The following MFSD12 variants were observed in gnomAD, a reference collection of about 807,000 sequenced individuals.
MFSD12 encodes the protein major facilitator superfamily domain-containing protein 12.
A neutral mutation model predicts 51.2 loss-of-function variants in MFSD12; 67 were observed. The ratio of observed to expected loss-of-function variants is 1.31; its 90% confidence interval spans 1.08 to 1.60. MFSD12 has a LOEUF of 1.60. Ranked by LOEUF, MFSD12 falls within the 40% of genes most tolerant of loss-of-function variation. MFSD12 has a pLI of 0.00. For missense variants in MFSD12, 921 were observed against 673.0 expected (o/e 1.37, Z -4.08); for synonymous variants, 441 against 316.7 (o/e 1.39, Z -4.17).
At chr19:3,545,457 C>T (rs1326634451) in intron 8 of MFSD12, among the ~76,000 whole-genome samples, 1 of 152,270 alleles carries the variant, frequency 6.6e-6, no homozygotes, top group Non-Finnish European at 1.5e-5. Context: ...CACAACATGC[C>T]AGGTGTGGTC....
chr19:3,545,397 CCCCTCCTCCCTCTACTCCAGCCA>C (rs2030917083), intron 8 of MFSD12, among the ~76,000 whole-genome samples: 1 of 152,214 alleles, frequency 6.6e-6, no homozygotes, highest in African/African-American at 2.4e-5. Flanking sequence ...GACCTGCCCT[CCCCTCCTCCCTCTACTCCAGCCA>C]CACAGGCCTC....
chr19:3,543,978 T>C, downstream of MFSD12: 2 of 1,546,716 alleles, frequency 1.3e-6, no homozygotes, highest in African/African-American at 1.4e-5. Context: ...CTGCCAGCGG[T>C]CCCCGCCTTC....
At chr19:3,540,361 G>A (rs1599806241), downstream of MFSD12, among the ~76,000 whole-genome samples, 1 of 151,748 alleles carries the variant, frequency 6.6e-6, no homozygotes, top group East Asian at 2.0e-4. Context: ...TGGTTCGAGC[G>A]ATTCTCCTGC....
At chr19:3,542,170 AGGG>A (rs1390100156), downstream of MFSD12, 1 of 985,282 alleles carries the variant, frequency 1.0e-6, no homozygotes, top group Non-Finnish European at 1.2e-6. Context: ...TCATTTCAAA[AGGG>A]TGAGGTTCTC....
At chr19:3,543,613 C>T (rs2030644961), downstream of MFSD12, 1 of 1,544,810 alleles carries the variant, frequency 6.5e-7, no homozygotes, top group South Asian at 1.2e-5. Flanking sequence ...CTGCCCAGTA[C>T]CAGGCCCCCA....
intron 1 of MFSD12, among the ~76,000 whole-genome samples, chr19:3,553,745 A>C (rs971958284): frequency 1.3e-5 from 2 of 148,542 alleles, no homozygotes; most frequent in South Asian, 2.1e-4. Flanking sequence ...AAAAAAAAAA[A>C]AAAAAAAACA....
chr19:3,545,270 C>T (rs1450654505), intron 8 of MFSD12, among the ~76,000 whole-genome samples: 2 of 152,232 alleles, frequency 1.3e-5, no homozygotes, highest in Non-Finnish European at 2.9e-5. Context: ...CACCAGAGGG[C>T]GTCTGTGAGC....
chr19:3,547,555 C>A lies in MFSD12; in HGVS notation c.838-8G>T. On this transcript the variant is annotated splice_polypyrimidine_tract_variant and splice_region_variant and intron_variant, in intron 4 of 9. Transcript: ENST00000355415. ...CATGTACAGTATGCCCACCTGTGGGCAGACCGACAGAGGGACTGGCAGGGG... is the reference window on the plus strand; with the variant it reads ...CATGTACAGTATGCCCACCTGTGGGAAGACCGACAGAGGGACTGGCAGGGG... 6.2e-7 allele frequency: 1 copy of A among 1,603,848 alleles called. No individual in the cohort carries two copies. Among genetic ancestry groups the A allele is most frequent in the Non-Finnish European group, 8.5e-7 (1 of 1,175,276 alleles).
chr19:3,554,114 A>G (rs1568262865), intron 1 of MFSD12, among the ~76,000 whole-genome samples: 1 of 151,842 alleles, frequency 6.6e-6, no homozygotes, highest in Non-Finnish European at 1.5e-5. Flanking sequence ...TAAAAAATTA[A>G]AAAAAGAAGA....
downstream of MFSD12, chr19:3,543,400 G>A (rs1295841835): frequency 4.0e-5 from 62 of 1,548,286 alleles, 1 homozygote; most frequent in African/African-American, 1.5e-4. Flanking sequence ...CACGGGCCCC[G>A]GCCAGCCCCT....
At chr19:3,543,586 G>C (rs557824671), downstream of MFSD12, 2,109 of 1,543,280 alleles carry the variant, frequency 1.4e-3, 9 homozygotes, top group Non-Finnish European at 1.6e-3. Context: ...AGACCGCCTG[G>C]CATGACCCCA....
chr19:3,543,723 C>A, downstream of MFSD12: 1 of 1,497,134 alleles, frequency 6.7e-7, no homozygotes, highest in Non-Finnish European at 9.0e-7. Flanking sequence ...GCCAGGGGGA[C>A]AAGGCCACCT....
downstream of MFSD12, chr19:3,541,755 G>A (rs1420019613): frequency 1.7e-5 from 17 of 985,270 alleles, no homozygotes; most frequent in Middle Eastern, 5.2e-4. Context: ...TGGCAGGTGG[G>A]TACGGGGCCG....
chr19:3,546,163 GC>G lies in MFSD12; in HGVS notation c.1199del (p.Ser400ThrfsTer9). ...TADLIGPHTN[S>X]GAFVYGSMSF... ...TCATGGAGCCGTACACGAACGCTCCGCTGTTCTGTGGAGACACAGGCGAGGT... is the reference window on the plus strand; with the variant it reads ...TCATGGAGCCGTACACGAACGCTCCGTGTTCTGTGGAGACACAGGCGAGGT... On this transcript the variant is annotated frameshift_variant, in exon 8 of 10. Transcript: ENST00000355415. LOFTEE classifies it high-confidence loss of function. The G allele has an allele frequency of 6.2e-7, 1 of 1,613,006 alleles. No individual in the cohort carries two copies. The highest frequency in any genetic ancestry group is 8.5e-7 in the Non-Finnish European group (1 of 1,179,906).
chr19:3,543,118 G>T (rs372364244), downstream of MFSD12: 35 of 1,522,146 alleles, frequency 2.3e-5, no homozygotes, highest in East Asian at 2.7e-4. Context: ...TGGCGAGGGA[G>T]GGAGACCCCA....
chr19:3,544,041 CTGCACCCAGATGAGGGGGCACTA>C, downstream of MFSD12: 7 of 1,505,590 alleles, frequency 4.6e-6, no homozygotes, highest in Non-Finnish European at 6.3e-6. Flanking sequence ...CCCACTGTCT[CTGCACCCAGATGAGGGGGCACTA>C]ACCTAGTCCC....
chr19:3,543,753 CG>C, downstream of MFSD12: 1 of 1,490,744 alleles, frequency 6.7e-7, no homozygotes, highest in Non-Finnish European at 9.0e-7. Flanking sequence ...TGAAACTGCC[CG>C]GGGCGATCCA....
At chr19:3,545,028 A>G (rs1355693387) in intron 8 of MFSD12, 89 bp from the exon 9 acceptor site, 3 of 1,481,576 alleles carry the variant, frequency 2.0e-6, no homozygotes, top group African/African-American at 1.4e-5. Context: ...CACCCCCGAC[A>G]GCGGCTCCGT....
Position 3,547,341 on chromosome 19 carries a change from C to T in MFSD12, c.954G>A (p.Leu318=), listed in dbSNP as rs754352983. Residue 318 remains leucine, a synonymous_variant, in exon 6 of 10, where the codon CTG becomes CTA. Transcript: ENST00000355415. Reference sequence around the variant, plus strand: ...ACAAGAAGCCGCTGAGGTACATCACCAGGGGAATGGTCGCGATGAACTTCT... The same window carrying T: ...ACAAGAAGCCGCTGAGGTACATCACTAGGGGAATGGTCGCGATGAACTTCT... The part of the protein sequence containing the change: ...LPKKFIATIP[L]VMYLSGFLSS... 1.2e-6 allele frequency: 2 copies of T among 1,613,338 alleles called. No homozygotes were observed. The highest frequency in any genetic ancestry group is 1.7e-6 in the Non-Finnish European group (2 of 1,179,964).
Sources: allele counts gnomAD v4.1 joint callset (sites outside exome capture counted in the v4.1 genomes callset), GRCh38; gene constraint gnomAD v4.1.1; transcripts MANE v1.5; gene names NCBI Gene and HGNC (gene_info 2026-07-23, HGNC 2026-07-21).